The following TYW1 variants were observed in gnomAD, a reference collection of about 807,000 sequenced individuals.
TYW1 encodes tRNA-yW synthesizing protein 1 homolog, also known as S-adenosyl-L-methionine-dependent tRNA 4-demethylwyosine synthase TYW1.
In TYW1, 46 loss-of-function variants were observed where a neutral mutation model predicts 96.2. The ratio of observed to expected loss-of-function variants is 0.48; its 90% CI spans 0.38 to 0.61. TYW1 has a LOEUF of 0.61. Ranked by LOEUF, TYW1 falls within the 20% of genes least tolerant of loss-of-function variation. The pLI is 0.00. For synonymous variants in TYW1, 274 were observed against 323.0 expected (o/e 0.85, Z 1.63); for missense variants, 684 against 909.6 (o/e 0.75, Z 3.19).
At chr7:66,997,115 T>C (rs13312465) in intron 1 of TYW1, 133 bp downstream of exon 1, 9 of 1,525,460 alleles carry the variant, frequency 5.9e-6, no homozygotes, top group Non-Finnish European at 7.1e-6. Flanking sequence ...CACCGGCTAG[T>C]CGCCGCTGAG....
intron 3 of TYW1, among the ~76,000 whole-genome samples, chr7:67,009,330 G>C (rs1011222136): frequency 2.0e-5 from 3 of 152,174 alleles, no homozygotes; most frequent in Non-Finnish European, 4.4e-5. Context: ...AAGGCAGATT[G>C]ATCATCCAAA....
chr7:67,117,437 T>G (rs775268337), intron 12 of TYW1, 46 bp from the exon 13 acceptor site: 4 of 1,582,952 alleles, frequency 2.5e-6, no homozygotes, highest in Non-Finnish European at 3.4e-6. Flanking sequence ...GAAAGCCTGA[T>G]AGAGGAATAA....
At chr7:67,218,252 A>G (rs1480322537) in intron 15 of TYW1, among the ~76,000 whole-genome samples, 1 of 151,914 alleles carries the variant, frequency 6.6e-6, no homozygotes, top group African/African-American at 2.4e-5. Flanking sequence ...AATATTTTAT[A>G]CTTTTCATTG....
Position 67,133,513 on chromosome 7 carries a change from C to T in TYW1, c.1698+15895C>T, listed in dbSNP as rs576311249. Among the ~76,000 whole-genome samples the T allele has an allele frequency of 5.3e-5, 8 of 151,132 alleles. No individual in the cohort carries two copies. The East Asian group carries it at 7.8e-4, about 15-fold the overall frequency. ...AAGAGATCGAGACCATCCTGACCAA[C>T]ATGGTGAAACCCCGTCTCTACTAAA... On this transcript the variant is annotated intron_variant, in intron 13 of 15. Coordinates refer to ENST00000359626, the MANE Select transcript of TYW1 (RefSeq NM_018264.4).
chr7:67,090,967 G>T (rs1480699221), intron 11 of TYW1, among the ~76,000 whole-genome samples: 4 of 152,174 alleles, frequency 2.6e-5, no homozygotes, highest in Admixed American at 6.5e-5. Context: ...CTGTTGATGG[G>T]ACTGTAAACT....
At chr7:67,062,531 A>T (rs1244222552) in intron 9 of TYW1, among the ~76,000 whole-genome samples, 3 of 140,330 alleles carry the variant, frequency 2.1e-5, no homozygotes, top group Non-Finnish European at 4.5e-5. Flanking sequence ...GATGTCACCC[A>T]GATATAGCCT....
intron 15 of TYW1, among the ~76,000 whole-genome samples, chr7:67,212,726 T>C (rs1314752101): frequency 2.0e-5 from 3 of 152,134 alleles, no homozygotes; most frequent in Non-Finnish European, 2.9e-5. Context: ...TAGTGGCATA[T>C]TGCTGTTGCT....
intron 13 of TYW1, among the ~76,000 whole-genome samples, chr7:67,157,861 G>A (rs1040965131): frequency 5.5e-4 from 84 of 152,152 alleles, no homozygotes; most frequent in Non-Finnish European, 1.0e-3. Context: ...TCGTGCTTAT[G>A]TGTTTTGGGG....
chr7:67,180,934 G>A (rs1377639599), intron 13 of TYW1, among the ~76,000 whole-genome samples: 1 of 152,006 alleles, frequency 6.6e-6, no homozygotes, highest in Non-Finnish European at 1.5e-5. Flanking sequence ...GTGAGCCACT[G>A]CGTCCGGCCC....
At chr7:67,064,585 A>G (rs1008012795) in intron 9 of TYW1, among the ~76,000 whole-genome samples, 4 of 152,200 alleles carry the variant, frequency 2.6e-5, no homozygotes, top group African/African-American at 9.7e-5. Flanking sequence ...TGGTGGTGGC[A>G]AGAGAAAATG....
At chr7:67,189,297 T>C (rs1261253842) in intron 14 of TYW1, among the ~76,000 whole-genome samples, 3 of 144,430 alleles carry the variant, frequency 2.1e-5, no homozygotes, top group African/African-American at 5.4e-5. Context: ...GGTGTGTTTA[T>C]GTGTGTGGTG....
At chr7:67,096,749 ATAGGCCCCAG>A (rs1474656549) in intron 11 of TYW1, among the ~76,000 whole-genome samples, 1 of 152,034 alleles carries the variant, frequency 6.6e-6, no homozygotes, top group Non-Finnish European at 1.5e-5. Flanking sequence ...CCACCCTCTG[ATAGGCCCCAG>A]TGTGTGTCAT....
At chr7:67,130,401 C>T (rs567168969) in intron 13 of TYW1, among the ~76,000 whole-genome samples, 19 of 141,168 alleles carry the variant, frequency 1.3e-4, no homozygotes, top group African/African-American at 1.9e-4. Flanking sequence ...TGGCTGGGTG[C>T]GGTGGCTCAC....
intron 11 of TYW1, among the ~76,000 whole-genome samples, chr7:67,097,423 G>A (rs181078380): frequency 3.6e-4 from 55 of 152,306 alleles, no homozygotes; most frequent in Admixed American, 3.6e-3. Flanking sequence ...TTTGGAGACG[G>A]AGTCTCACTC....
chr7:67,178,145 T>C (rs1584659420), intron 13 of TYW1, among the ~76,000 whole-genome samples: 1 of 149,976 alleles, frequency 6.7e-6, no homozygotes, highest in Admixed American at 6.7e-5. Flanking sequence ...GCCTGAGTGG[T>C]GGAGCCAGAC....
chr7:67,160,090 C>T (rs947785765), intron 13 of TYW1, among the ~76,000 whole-genome samples: 13 of 152,134 alleles, frequency 8.5e-5, no homozygotes, highest in Non-Finnish European at 1.5e-4. Flanking sequence ...ACATGAGCCA[C>T]CACGCCTGGC....
intron 13 of TYW1, among the ~76,000 whole-genome samples, chr7:67,148,006 G>A (rs1798661330): frequency 6.6e-6 from 1 of 151,716 alleles, no homozygotes; most frequent in Non-Finnish European, 1.5e-5. Context: ...TGTTACCAAA[G>A]TAATCTCAAT....
At chr7:67,039,120 T>C (rs1794934509) in intron 7 of TYW1, among the ~76,000 whole-genome samples, 1 of 152,166 alleles carries the variant, frequency 6.6e-6, no homozygotes. Flanking sequence ...TTGTCATTTT[T>C]AGTAGCTTTT....
rs1190242400 is a variant in TYW1 at position 67,233,509 on chromosome 7, T to C, written c.1978-4799T>C. Among the ~76,000 whole-genome samples the C allele has an allele frequency of 1.3e-4, 18 of 134,006 alleles. 3 individuals carry two copies. Among genetic ancestry groups the C allele is most frequent in the African/African-American group, 4.8e-4 (16 of 33,482 alleles). The allele number at this position is 134,006 out of a possible 152,430, so 87.9% of individuals were successfully genotyped here. A position where few individuals can be genotyped will look rare whatever the true frequency, so the allele number is the denominator to read the frequency against. On this transcript the variant is annotated intron_variant, in intron 15 of 15. Transcript: ENST00000359626. Reference sequence around the variant, plus strand: ...CTTTTTTAAGTCAGGCTGTATCTTATTGCACTTGTGTGTTTTTAAGATCAT... The same window carrying C: ...CTTTTTTAAGTCAGGCTGTATCTTACTGCACTTGTGTGTTTTTAAGATCAT...
Sources: allele counts gnomAD v4.1 joint callset (sites outside exome capture counted in the v4.1 genomes callset), GRCh38; gene constraint gnomAD v4.1.1; transcripts MANE v1.5; gene names NCBI Gene and HGNC (gene_info 2026-07-23, HGNC 2026-07-21).